PLPPR1: variants seen among roughly 807,000 people sequenced by gnomAD.
PLPPR1 encodes the protein phospholipid phosphatase related 1.
PLPPR1 carries 10 observed loss-of-function variants against 33.1 expected under a neutral mutation model. The ratio of observed to expected loss-of-function variants is 0.30; its 90% CI spans 0.19 to 0.51. The LOEUF (loss-of-function observed/expected upper bound fraction) is 0.51. Among genes scored for constraint, PLPPR1 ranks in the 20% least tolerant of loss-of-function variants. The pLI, the probability that PLPPR1 is intolerant of heterozygous loss-of-function variation, is 0.97. For missense variants in PLPPR1, 304 were observed against 408.1 expected (o/e 0.74, Z 2.20); for synonymous variants, 151 against 151.0 (o/e 1.00, Z 0.00).
intron 3 of PLPPR1, among the ~76,000 whole-genome samples, chr9:101,284,667 G>C (rs1424586091): frequency 6.6e-6 from 1 of 152,122 alleles, no homozygotes; most frequent in Non-Finnish European, 1.5e-5. Flanking sequence ...CCCATAAAGG[G>C]AGAACATTAT....
chr9:101,108,790 C>G (rs948765803), intron 1 of PLPPR1, among the ~76,000 whole-genome samples: 1 of 152,116 alleles, frequency 6.6e-6, no homozygotes, highest in African/African-American at 2.4e-5. Flanking sequence ...GAATTCTTTT[C>G]ATTTCCAAGA....
chr9:101,259,876 A>G (rs191764192), intron 2 of PLPPR1, among the ~76,000 whole-genome samples: 32 of 152,198 alleles, frequency 2.1e-4, no homozygotes, highest in African/African-American at 7.7e-4. Context: ...TCGGATATGC[A>G]TTTATCTCAG....
intron 2 of PLPPR1, among the ~76,000 whole-genome samples, chr9:101,238,079 T>TATAC (rs1195152056): frequency 1.2e-4 from 16 of 138,436 alleles, no homozygotes; most frequent in African/African-American, 4.2e-4. Context: ...TGTGTGTATA[T>TATAC]ATATACATAT....
At chr9:101,208,340 TG>T (rs1191009909) in intron 2 of PLPPR1, among the ~76,000 whole-genome samples, 1 of 152,164 alleles carries the variant, frequency 6.6e-6, no homozygotes, top group Non-Finnish European at 1.5e-5. Context: ...ACATGGAGAA[TG>T]TCTCTTGAAC....
chr9:101,044,339 A>C (rs973369604), intron 1 of PLPPR1, among the ~76,000 whole-genome samples: 8 of 152,174 alleles, frequency 5.3e-5, no homozygotes, highest in Non-Finnish European at 1.0e-4. Flanking sequence ...TTTGCAGTTC[A>C]TACACGACTC....
chr9:101,073,293 T>A (rs1830501863), intron 1 of PLPPR1, among the ~76,000 whole-genome samples: 1 of 152,186 alleles, frequency 6.6e-6, no homozygotes, highest in Non-Finnish European at 1.5e-5. Flanking sequence ...TTGAGGCAGC[T>A]GTGCACAGCA....
chr9:101,296,908 G>T (rs1177866817), intron 4 of PLPPR1, among the ~76,000 whole-genome samples: 2 of 151,810 alleles, frequency 1.3e-5, no homozygotes, highest in African/African-American at 2.4e-5. Flanking sequence ...TAACTAACCT[G>T]CACATTGTGC....
At chr9:101,229,619 A>T (rs1277904421) in intron 2 of PLPPR1, among the ~76,000 whole-genome samples, 1 of 152,158 alleles carries the variant, frequency 6.6e-6, no homozygotes, top group East Asian at 1.9e-4. Context: ...GGCATTTAAA[A>T]TACTCTTTTA....
chr9:101,165,512 A>C (rs1469336213), intron 1 of PLPPR1, among the ~76,000 whole-genome samples: 1 of 152,210 alleles, frequency 6.6e-6, no homozygotes, highest in Non-Finnish European at 1.5e-5. Flanking sequence ...TTTGGGGAAT[A>C]AATTTACAAT....
chr9:101,070,020 A>G (rs1977502), intron 1 of PLPPR1, among the ~76,000 whole-genome samples: 1 of 152,060 alleles, frequency 6.6e-6, no homozygotes, highest in African/African-American at 2.4e-5. Context: ...TGTGACTTAT[A>G]ACTATTGATG....
intron 6 of PLPPR1, among the ~76,000 whole-genome samples, chr9:101,315,603 C>A (rs1156529324): frequency 6.6e-6 from 1 of 152,210 alleles, no homozygotes; most frequent in African/African-American, 2.4e-5. Flanking sequence ...AGTGACTTCC[C>A]AATTGATGTC....
At chr9:101,221,554 T>A (rs1207584040) in intron 2 of PLPPR1, among the ~76,000 whole-genome samples, 1 of 152,198 alleles carries the variant, frequency 6.6e-6, no homozygotes. Context: ...GGAACTTACC[T>A]TTTTTGAGCA....
intron 1 of PLPPR1, among the ~76,000 whole-genome samples, chr9:101,077,221 G>T (rs1280602139): frequency 6.6e-6 from 1 of 152,130 alleles, no homozygotes; most frequent in Non-Finnish European, 1.5e-5. Context: ...TTTTATTCCT[G>T]CTTATGCCCC....
At chr9:101,192,571 A>G (rs77508627) in intron 2 of PLPPR1, among the ~76,000 whole-genome samples, 3,030 of 152,264 alleles carry the variant, frequency 0.02, 112 homozygotes, top group African/African-American at 0.069. Flanking sequence ...TGTGCTTGCC[A>G]AGAGGTAGGT....
At chr9:101,291,419 C>G (rs930852904) in intron 4 of PLPPR1, among the ~76,000 whole-genome samples, 5 of 152,224 alleles carry the variant, frequency 3.3e-5, no homozygotes, top group African/African-American at 2.4e-5. Flanking sequence ...CCCTGTCTGA[C>G]AGCTTTGAAA....
intron 2 of PLPPR1, among the ~76,000 whole-genome samples, chr9:101,216,304 C>T (rs552209501): frequency 3.3e-5 from 5 of 152,104 alleles, no homozygotes; most frequent in East Asian, 3.9e-4. Flanking sequence ...AAAATGTAAC[C>T]GTTGGCCATT....
chr9:101,047,379 T>G (rs1317325510), intron 1 of PLPPR1, among the ~76,000 whole-genome samples: 2 of 152,240 alleles, frequency 1.3e-5, no homozygotes, highest in African/African-American at 4.8e-5. Flanking sequence ...ACCTACTTAA[T>G]GACTTCATCT....
At chr9:101,158,980 G>C (rs1266966902) in intron 1 of PLPPR1, among the ~76,000 whole-genome samples, 4 of 152,158 alleles carry the variant, frequency 2.6e-5, no homozygotes, top group African/African-American at 9.7e-5. Context: ...TAATAATTTT[G>C]TGTGTGCTTA....
At chr9:101,035,872 T>C (rs1293608308) in intron 1 of PLPPR1, among the ~76,000 whole-genome samples, 1 of 152,178 alleles carries the variant, frequency 6.6e-6, no homozygotes, top group Non-Finnish European at 1.5e-5. Context: ...ACTAAGGAAC[T>C]GCAGCAACTT....
Sources: gnomAD v4.1 joint callset for allele counts (sites outside exome capture counted in the v4.1 genomes callset) on GRCh38, gnomAD v4.1.1 for gene constraint, MANE v1.5 for transcripts, NCBI Gene and HGNC (gene_info 2026-07-23, HGNC 2026-07-21) for gene names.